Variants in RABGAP1 observed in about 807,000 individuals in gnomAD.
The protein encoded by RABGAP1 is RAB GTPase activating protein 1, also known as rab GTPase-activating protein 1.
A neutral mutation model predicts 137.6 loss-of-function variants in RABGAP1; 23 were observed. The ratio of observed to expected loss-of-function variants is 0.17; its 90% CI spans 0.12 to 0.24. The LOEUF (loss-of-function observed/expected upper bound fraction) is 0.24. RABGAP1 is among the 10% of genes least tolerant of loss of function. The pLI, the probability that RABGAP1 is intolerant of heterozygous loss-of-function variation, is 1.00. For missense variants in RABGAP1, 906 were observed against 1,275.8 expected (o/e 0.71, Z 4.42); for synonymous variants, 451 against 450.7 (o/e 1.00, Z -0.01).
In RABGAP1 at chr9:123,074,326, C is replaced by T. The variant is rs1475784471; in HGVS notation, c.2151C>T (p.Ser717=). 1 of 1,613,770 alleles carries T rather than the reference C, an allele frequency of 6.2e-7. No individual in the cohort carries two copies. Among genetic ancestry groups the T allele is most frequent in the Non-Finnish European group, 8.5e-7 (1 of 1,179,760 alleles). The change falls in exon 17 of 26, where the codon AGC becomes AGT. Residue 717 remains serine (S), a synonymous_variant. Coordinates refer to ENST00000373647, the MANE Select transcript of RABGAP1 (RefSeq NM_012197.4). ...TGTACAACCACTTCCTGGATATAAG[C>T]CTTGAAGCACACATGTATGCCTCCC... The part of the protein sequence containing the change: ...PDLYNHFLDI[S]LEAHMYASQW...
At chr9:123,057,990 C>T (rs887754896) in intron 13 of RABGAP1, among the ~76,000 whole-genome samples, 8 of 151,574 alleles carry the variant, frequency 5.3e-5, no homozygotes, top group Non-Finnish European at 7.4e-5. Context: ...TGCAGTGAGC[C>T]GAGACGGCAG....
intron 13 of RABGAP1, among the ~76,000 whole-genome samples, chr9:123,049,078 A>G (rs970612415): frequency 1.3e-5 from 2 of 152,236 alleles, no homozygotes; most frequent in African/African-American, 2.4e-5. Flanking sequence ...TATTTCATTA[A>G]ATAAAGAGCC....
At chr9:123,037,977 C>T (rs923089248) in intron 13 of RABGAP1, among the ~76,000 whole-genome samples, 2 of 152,034 alleles carry the variant, frequency 1.3e-5, no homozygotes, top group Non-Finnish European at 1.5e-5. Context: ...TGGCATGTGA[C>T]TGGTATCAGA....
chr9:123,081,562 A>G (rs912692121), intron 19 of RABGAP1, among the ~76,000 whole-genome samples: 5 of 151,970 alleles, frequency 3.3e-5, no homozygotes, highest in African/African-American at 1.2e-4. Flanking sequence ...TCAGCCTCTC[A>G]AGTAGCTGCG....
At chr9:123,062,406 TA>T (rs1280734246) in intron 13 of RABGAP1, 1 of 152,266 alleles carries the variant, frequency 6.6e-6, no homozygotes, top group Non-Finnish European at 1.5e-5. Flanking sequence ...TTTTCAAATT[TA>T]ATGTCATTCT....
rs200424486 is a variant in RABGAP1, at chr9:122,950,377, C to CTTTTTTTTTTTT, written c.-49-6623_-49-6612dup. On this transcript the variant is annotated intron_variant, in intron 1 of 25. Coordinates refer to ENST00000373647, the MANE Select transcript of RABGAP1 (RefSeq NM_012197.4). ...CTTTTTTTTCTTTTTCTTTTTCTTT[C>CTTTTTTTTTTTT]TTTTTTTTTTTTTTTTTTTTTTGAT... 6.9e-3 allele frequency among the ~76,000 whole-genome samples: 515 copies of CTTTTTTTTTTTT among 74,382 alleles called. 1 individual carries two copies. Among genetic ancestry groups the CTTTTTTTTTTTT allele is most frequent in the Middle Eastern group, 0.015 (1 of 68 alleles). 48.8% of individuals were successfully genotyped at this position (74,382 alleles called of 152,430 possible). A position where few individuals can be genotyped will look rare whatever the true frequency, so the allele number is the denominator to read the frequency against.
chr9:122,953,732 T>C (rs1012698108), intron 1 of RABGAP1, among the ~76,000 whole-genome samples: 1 of 152,222 alleles, frequency 6.6e-6, no homozygotes, highest in African/African-American at 2.4e-5. Context: ...ATTTCTTAAC[T>C]CCTAATTGTG....
intron 2 of RABGAP1, among the ~76,000 whole-genome samples, chr9:122,972,978 T>TAAAAAAAAA (rs10686868): frequency 6.9e-6 from 1 of 145,110 alleles, no homozygotes; most frequent in Non-Finnish European, 1.5e-5. Context: ...CTTTATATAT[T>TAAAAAAAAA]AAAAAAAAAA....
chr9:122,951,430 T>TG (rs1016169765), intron 1 of RABGAP1, among the ~76,000 whole-genome samples: 15 of 151,866 alleles, frequency 9.9e-5, no homozygotes, highest in African/African-American at 3.4e-4. Flanking sequence ...AAAAAAAAGT[T>TG]GAAGTTTTTA....
At chr9:123,075,830 G>A (rs957773304) in intron 17 of RABGAP1, among the ~76,000 whole-genome samples, 1 of 152,154 alleles carries the variant, frequency 6.6e-6, no homozygotes, top group African/African-American at 2.4e-5. Flanking sequence ...AGAATGGAGG[G>A]AGCCTTGAGC....
intron 21 of RABGAP1, among the ~76,000 whole-genome samples, chr9:123,094,841 T>C (rs2035132057): frequency 1.3e-5 from 2 of 152,202 alleles, no homozygotes. Flanking sequence ...TAATTTTTCG[T>C]GTGTCTGTTG....
At chr9:122,953,750 G>A (rs1834372898) in intron 1 of RABGAP1, among the ~76,000 whole-genome samples, 1 of 152,170 alleles carries the variant, frequency 6.6e-6, no homozygotes, top group Admixed American at 6.5e-5. Context: ...GTGTGCTTCA[G>A]CATCACAAAT....
intron 1 of RABGAP1, among the ~76,000 whole-genome samples, chr9:122,950,383 T>TTC (rs1381263217): frequency 2.1e-5 from 3 of 140,390 alleles, no homozygotes; most frequent in African/African-American, 8.2e-5. Context: ...CTTTCTTTTT[T>TTC]TTTTTTTTTT....
the RABGAP1 span, among the ~76,000 whole-genome samples, chr9:122,932,575 G>A: frequency 6.6e-6 from 1 of 151,754 alleles, no homozygotes; most frequent in Non-Finnish European, 1.5e-5. Context: ...TGTTGCCCAG[G>A]CTGGAGTGCA....
chr9:122,995,948 G>A, intron 6 of RABGAP1, 93 bp from the exon 7 acceptor site: 1 of 1,478,664 alleles, frequency 6.8e-7, no homozygotes, highest in East Asian at 2.5e-5. Flanking sequence ...GCACAGAAAA[G>A]AATCAGAGAT....
At chr9:122,988,573 T>A (rs1222546464) in intron 4 of RABGAP1, among the ~76,000 whole-genome samples, 1 of 151,982 alleles carries the variant, frequency 6.6e-6, no homozygotes, top group Non-Finnish European at 1.5e-5. Context: ...AAAAAACTTG[T>A]TTCAGTCTGA....
intron 1 of RABGAP1, among the ~76,000 whole-genome samples, chr9:122,942,551 T>A (rs1588143477): frequency 6.6e-6 from 1 of 151,122 alleles, no homozygotes; most frequent in African/African-American, 2.4e-5. Context: ...GCGCCTGTAG[T>A]CCCAGCTAAT....
chr9:122,985,700 T>C (rs1350837941), intron 3 of RABGAP1, among the ~76,000 whole-genome samples: 1 of 150,922 alleles, frequency 6.6e-6, no homozygotes, highest in Non-Finnish European at 1.5e-5. Flanking sequence ...TAAATGTAAA[T>C]TACAAAGTCA....
chr9:123,013,611 G>A (rs996219008), intron 11 of RABGAP1, among the ~76,000 whole-genome samples: 1 of 152,128 alleles, frequency 6.6e-6, no homozygotes, highest in East Asian at 1.9e-4. Context: ...GGGATTACAG[G>A]TGTGAGCCAC....
Sources: allele counts gnomAD v4.1 joint callset (sites outside exome capture counted in the v4.1 genomes callset), GRCh38; gene constraint gnomAD v4.1.1; transcripts MANE v1.5; gene names NCBI Gene and HGNC (gene_info 2026-07-23, HGNC 2026-07-21).